MYLK: variants seen among roughly 807,000 people sequenced by gnomAD.
MYLK encodes the protein myosin light chain kinase, smooth muscle.
A neutral mutation model predicts 203.4 loss-of-function variants in MYLK; 106 were observed. The ratio of observed to expected loss-of-function variants is 0.52; its 90% CI spans 0.45 to 0.61. MYLK has a LOEUF of 0.61. MYLK is among the 20% of genes least tolerant of loss of function. The pLI is 0.00. For missense variants in MYLK, 2,072 were observed against 2,442.3 expected (o/e 0.85, Z 3.20); for synonymous variants, 867 against 959.5 (o/e 0.90, Z 1.78).
At chr3:123,830,041 G>T (rs1053693564) in intron 3 of MYLK, among the ~76,000 whole-genome samples, 3 of 152,178 alleles carry the variant, frequency 2.0e-5, no homozygotes, top group Non-Finnish European at 2.9e-5. Context: ...TAAAGTAGGT[G>T]ACTAAACAAA....
At chr3:123,712,466 G>A (rs937642988) in intron 13 of MYLK, among the ~76,000 whole-genome samples, 10 of 152,168 alleles carry the variant, frequency 6.6e-5, no homozygotes, top group African/African-American at 2.4e-4. Context: ...CAACTCCAGC[G>A]CACTCCCCTT....
intron 1 of MYLK, among the ~76,000 whole-genome samples, chr3:123,878,131 A>T (rs530622691): frequency 6.6e-6 from 1 of 152,286 alleles, no homozygotes; most frequent in South Asian, 2.1e-4. Flanking sequence ...TAAGGATACA[A>T]GATGAACCAC....
chr3:123,680,350 C>T (rs2060220678), intron 20 of MYLK, among the ~76,000 whole-genome samples: 1 of 152,174 alleles, frequency 6.6e-6, no homozygotes, highest in South Asian at 2.1e-4. Flanking sequence ...TGCCCTGTAG[C>T]TTCTGCACCC....
At chr3:123,649,279 G>A (rs749838343) in intron 24 of MYLK, 85 bp from the exon 25 acceptor site, 4 of 1,568,606 alleles carry the variant, frequency 2.6e-6, no homozygotes, top group Non-Finnish European at 3.5e-6. Flanking sequence ...TGGGGGCCCT[G>A]CCAGGCCTCA....
chr3:123,636,511 C>T (rs559203570), intron 29 of MYLK, among the ~76,000 whole-genome samples: 14 of 152,384 alleles, frequency 9.2e-5, no homozygotes, highest in East Asian at 1.9e-4. Context: ...GAGACCACAG[C>T]GCAGCTGGGG....
In MYLK at chr3:123,725,936, G is replaced by C. The variant is rs201253309; in HGVS notation, c.1651+8C>G. On this transcript the variant is annotated splice_region_variant and intron_variant, in intron 12 of 33. Coordinates refer to ENST00000360304, the MANE Select transcript of MYLK (RefSeq NM_053025.4). Reference sequence around the variant, plus strand: ...TGGGAGCAGAGAGCTGGGGCAGGGGGAACTCACCATTCAGCAGCCAAGTGA... The same window carrying C: ...TGGGAGCAGAGAGCTGGGGCAGGGGCAACTCACCATTCAGCAGCCAAGTGA... 6.2e-7 allele frequency: 1 copy of C among 1,613,266 alleles called. No homozygotes were observed. The highest frequency in any genetic ancestry group is 1.7e-5 in the Admixed American group (1 of 59,956).
intron 2 of MYLK, among the ~76,000 whole-genome samples, chr3:123,847,166 C>A (rs2030121995): frequency 6.6e-6 from 1 of 152,002 alleles, no homozygotes; most frequent in African/African-American, 2.4e-5. Context: ...TTGGGTATTA[C>A]ATATAATCTA....
intron 3 of MYLK, among the ~76,000 whole-genome samples, chr3:123,801,357 A>C (rs2065189043): frequency 6.6e-6 from 1 of 152,228 alleles, no homozygotes; most frequent in Admixed American, 6.5e-5. Context: ...TGTCCTTCTT[A>C]AAATACACAA....
chr3:123,671,059 A>T (rs1381548997), intron 20 of MYLK, among the ~76,000 whole-genome samples: 2 of 152,286 alleles, frequency 1.3e-5, no homozygotes, highest in African/African-American at 4.8e-5. Context: ...ACTGATCAAG[A>T]TCCATGCAGA....
chr3:123,880,433 C>A (rs1269063396), intron 1 of MYLK, among the ~76,000 whole-genome samples: 1 of 152,094 alleles, frequency 6.6e-6, no homozygotes, highest in Non-Finnish European at 1.5e-5. Flanking sequence ...CCTGGATTAA[C>A]AAATTAGCAT....
intron 2 of MYLK, among the ~76,000 whole-genome samples, chr3:123,875,583 A>T (rs753841289): frequency 7.2e-5 from 11 of 152,202 alleles, no homozygotes; most frequent in Admixed American, 2.0e-4. Context: ...TCAGAACTGA[A>T]CTTCCTCATA....
chr3:123,658,579 T>C (rs1474237097), intron 23 of MYLK, among the ~76,000 whole-genome samples: 1 of 152,224 alleles, frequency 6.6e-6, no homozygotes, highest in East Asian at 1.9e-4. Flanking sequence ...AAACCATGCT[T>C]TTAAGCTATG....
chr3:123,620,757 A>G (rs2057811588), intron 31 of MYLK: 1 of 455,858 alleles, frequency 2.2e-6, no homozygotes, highest in South Asian at 7.2e-5. Context: ...ATAATTGGCC[A>G]AGAGAATAGT....
rs114239704 is a variant in MYLK, at chr3:123,804,548, C to A, written c.-3-10704G>T. Among the ~76,000 whole-genome samples the A allele has an allele frequency of 2.0e-3, 312 of 152,280 alleles. 3 individuals are homozygous for A. Among genetic ancestry groups the A allele is most frequent in the Non-Finnish European group, 3.9e-3 (263 of 68,022 alleles). ...AGGCTGTGAGCAGGTTCTCTACCTG[C>A]AGACTGTAGATCCCATGCCTTCTGT... On this transcript the variant is annotated intron_variant, in intron 3 of 33. Coordinates refer to ENST00000360304, the MANE Select transcript of MYLK (RefSeq NM_053025.4).
At chr3:123,860,488 T>C (rs1261017842) in intron 2 of MYLK, among the ~76,000 whole-genome samples, 1 of 152,124 alleles carries the variant, frequency 6.6e-6, no homozygotes, top group Non-Finnish European at 1.5e-5. Flanking sequence ...GCCAAGGACA[T>C]AGTGTTCTAG....
intron 8 of MYLK, chr3:123,737,134 G>A (rs984808936): frequency 5.9e-5 from 30 of 504,300 alleles, no homozygotes; most frequent in African/African-American, 5.0e-4. Flanking sequence ...CAGGAGAATC[G>A]CTTGAACCTG....
At chr3:123,632,805 A>AT (rs35310974) in intron 29 of MYLK, among the ~76,000 whole-genome samples, 25,662 of 136,950 alleles carry the variant, frequency 0.19, 4,334 homozygotes, top group East Asian at 0.56. Flanking sequence ...ATGTCTTTTA[A>AT]TTTTTTTTTT....
chr3:123,707,317 A>T (rs1374560258), intron 16 of MYLK, among the ~76,000 whole-genome samples: 2 of 152,220 alleles, frequency 1.3e-5, no homozygotes. Flanking sequence ...TCTTGACTGA[A>T]ACTTCAAAAT....
intron 3 of MYLK, among the ~76,000 whole-genome samples, chr3:123,820,652 T>TTCCTTCCTTCCTTCCTTCCTTCCTTCCC (rs1560259959): frequency 1.3e-4 from 15 of 113,926 alleles, no homozygotes; most frequent in East Asian, 4.1e-4. Context: ...CCCTCCTTCC[T>TTCCTTCCTTCCTTCCTTCCTTCCTTCCC]TCCTTCCTTC....
Sources: allele counts gnomAD v4.1 joint callset (sites outside exome capture counted in the v4.1 genomes callset), GRCh38; gene constraint gnomAD v4.1.1; transcripts MANE v1.5; gene names NCBI Gene and HGNC (gene_info 2026-07-23, HGNC 2026-07-21).